Variants in STPG2 observed in about 807,000 individuals in gnomAD.
STPG2 encodes sperm tail PG-rich repeat containing 2.
In STPG2, 56 loss-of-function variants were observed where a neutral mutation model predicts 54.2. The observed-to-expected ratio is 1.03, with a 90% CI of 0.83 to 1.29. STPG2 has a LOEUF of 1.29. STPG2 is among the 50% of genes most tolerant of loss of function. STPG2 has a pLI of 0.00. For missense variants in STPG2, 596 were observed against 544.9 expected (o/e 1.09, Z -0.93); for synonymous variants, 200 against 181.8 (o/e 1.10, Z -0.81).
At chr4:97,848,172 A>G (rs1729027561) in intron 8 of STPG2, among the ~76,000 whole-genome samples, 1 of 152,196 alleles carries the variant, frequency 6.6e-6, no homozygotes, top group Admixed American at 6.6e-5. Context: ...TGTAAAAGCC[A>G]GTTCAAGTAG....
At chr4:97,802,122 C>T (rs1040462982) in intron 9 of STPG2, among the ~76,000 whole-genome samples, 5 of 152,268 alleles carry the variant, frequency 3.3e-5, no homozygotes, top group African/African-American at 1.2e-4. Context: ...AGGAACCACA[C>T]TTTGAGAAAC....
chr4:97,476,528 T>C (rs186462922), intron 4 of STPG2, among the ~76,000 whole-genome samples: 21 of 152,278 alleles, frequency 1.4e-4, no homozygotes, highest in Non-Finnish European at 2.9e-5. Context: ...TTGCATTGTT[T>C]AGAATCTCTA....
chr4:97,643,624 A>G (rs191192286), intron 10 of STPG2, among the ~76,000 whole-genome samples: 1 of 151,930 alleles, frequency 6.6e-6, no homozygotes, highest in East Asian at 1.9e-4. Flanking sequence ...GTGAGGCTAT[A>G]TATCCAGACA....
intron 10 of STPG2, among the ~76,000 whole-genome samples, chr4:97,614,795 C>T (rs1733817933): frequency 6.6e-6 from 1 of 152,044 alleles, no homozygotes; most frequent in South Asian, 2.1e-4. Context: ...GATTAGGGTC[C>T]AACAGTTTTG....
At chr4:98,009,032 C>CA (rs1040538548) in intron 5 of STPG2, among the ~76,000 whole-genome samples, 11 of 148,702 alleles carry the variant, frequency 7.4e-5, no homozygotes, top group African/African-American at 2.7e-4. Flanking sequence ...TTCTGTTTCT[C>CA]AGTGTAGCCC....
At chr4:97,735,584 T>C (rs552007052) in intron 9 of STPG2, among the ~76,000 whole-genome samples, 29 of 148,196 alleles carry the variant, frequency 2.0e-4, no homozygotes, top group Middle Eastern at 3.6e-3. Context: ...TATATATATG[T>C]ATATATTTAT....
intron 6 of STPG2, among the ~76,000 whole-genome samples, chr4:97,977,274 T>G (rs1281664585): frequency 6.6e-6 from 1 of 152,190 alleles, no homozygotes; most frequent in Non-Finnish European, 1.5e-5. Context: ...AAAACAGCTA[T>G]AGCTAAACTG....
rs80199783 is a variant in STPG2 at position 97,617,457 on chromosome 4, G to T, written c.1321-58340C>A. On this transcript the variant is annotated intron_variant, in intron 10 of 10. Transcript: ENST00000295268. ...TATTTAAAAGGAACTATATTTGCCG[G>T]GAAGTACACAGGAACTTTCCCACTT... is the stretch of plus-strand genomic sequence containing the variant. Among the ~76,000 whole-genome samples, 474 of 152,216 alleles carry T rather than the reference G, an allele frequency of 3.1e-3. 2 individuals carry two copies. The highest frequency in any genetic ancestry group is 0.011 in the African/African-American group (450 of 41,534).
chr4:97,641,719 A>G (rs896931540), intron 10 of STPG2, among the ~76,000 whole-genome samples: 2 of 151,496 alleles, frequency 1.3e-5, no homozygotes, highest in Non-Finnish European at 3.0e-5. Flanking sequence ...CATACATACA[A>G]ATATATAGTA....
At chr4:98,095,100 G>A (rs1016613327) in intron 5 of STPG2, among the ~76,000 whole-genome samples, 2 of 152,076 alleles carry the variant, frequency 1.3e-5, no homozygotes, top group African/African-American at 4.8e-5. Flanking sequence ...TATATAATTA[G>A]AATTACAACA....
intron 9 of STPG2, among the ~76,000 whole-genome samples, chr4:97,824,049 C>T (rs1430640992): frequency 6.6e-6 from 1 of 152,170 alleles, no homozygotes; most frequent in Admixed American, 6.6e-5. Context: ...GTCTTTCACT[C>T]TTTGCTGACG....
intron 4 of STPG2, among the ~76,000 whole-genome samples, chr4:97,473,009 C>T (rs1292571477): frequency 6.6e-6 from 1 of 152,078 alleles, no homozygotes; most frequent in Non-Finnish European, 1.5e-5. Flanking sequence ...CTTATCACTT[C>T]CCCAATCAAT....
chr4:97,863,907 CT>C (rs1729659872), intron 8 of STPG2, among the ~76,000 whole-genome samples: 1 of 152,014 alleles, frequency 6.6e-6, no homozygotes, highest in African/African-American at 2.4e-5. Flanking sequence ...GCCCTTCATG[CT>C]AAAAACTCTC....
At chr4:98,051,761 T>C (rs1303815773) in intron 5 of STPG2, among the ~76,000 whole-genome samples, 1 of 151,898 alleles carries the variant, frequency 6.6e-6, no homozygotes, top group Non-Finnish European at 1.5e-5. Flanking sequence ...AGAGAGGACA[T>C]ATTGCTTGAG....
chr4:97,477,622 G>T (rs1267248023), intron 4 of STPG2, among the ~76,000 whole-genome samples: 1 of 150,504 alleles, frequency 6.6e-6, no homozygotes, highest in East Asian at 1.9e-4. Context: ...GACTACAGGC[G>T]CCTGCCACCA....
chr4:97,461,726 CAT>C (rs1729668484), intron 4 of STPG2, among the ~76,000 whole-genome samples: 1 of 152,186 alleles, frequency 6.6e-6, no homozygotes, highest in Non-Finnish European at 1.5e-5. Context: ...AGAACGTTTT[CAT>C]ATGTTAACTT....
At chr4:97,813,514 C>G (rs1727807359) in intron 9 of STPG2, among the ~76,000 whole-genome samples, 1 of 151,348 alleles carries the variant, frequency 6.6e-6, no homozygotes, top group Non-Finnish European at 1.5e-5. Context: ...TGTTAATTAG[C>G]TTGACTCAAC....
chr4:98,038,100 C>A (rs555821773), intron 5 of STPG2, among the ~76,000 whole-genome samples: 1 of 147,680 alleles, frequency 6.8e-6, no homozygotes, highest in South Asian at 2.2e-4. Flanking sequence ...GCCTTGAACT[C>A]CTGGGCTAAA....
At chr4:97,492,421 C>T (rs1730521730) in intron 4 of STPG2, among the ~76,000 whole-genome samples, 2 of 151,386 alleles carry the variant, frequency 1.3e-5, no homozygotes, top group Admixed American at 6.6e-5. Context: ...GAAGTTTAAG[C>T]CTAGATATTT....
Sources: allele counts gnomAD v4.1 joint callset (sites outside exome capture counted in the v4.1 genomes callset), GRCh38; gene constraint gnomAD v4.1.1; transcripts MANE v1.5; gene names NCBI Gene and HGNC (gene_info 2026-07-23, HGNC 2026-07-21).